USHBP1: variants seen among roughly 807,000 people sequenced by gnomAD.
USHBP1 encodes harmonin-binding protein USHBP1.
In USHBP1, 67 loss-of-function variants were observed where a neutral mutation model predicts 76.2. The observed-to-expected ratio is 0.88, with a 90% CI of 0.72 to 1.08. The LOEUF (loss-of-function observed/expected upper bound fraction) is 1.08. Ranked by LOEUF, USHBP1 falls within the 50% of genes least tolerant of loss-of-function variation. USHBP1 has a pLI of 0.00. For missense variants in USHBP1, 931 were observed against 915.0 expected, an observed-to-expected ratio of 1.02 and a Z score of -0.23; for synonymous variants, 322 against 362.2, an observed-to-expected ratio of 0.89 and a Z score of 1.26.
At chr19:17,264,428 G>A in intron 1 of USHBP1, 81 bp from the exon 2 acceptor site, 1 of 1,113,408 alleles carries the variant, frequency 9.0e-7, no homozygotes, top group Non-Finnish European at 1.3e-6. Context: ...CTGTGAAATG[G>A]GGCACTGACT....
intron 12 of USHBP1, among the ~76,000 whole-genome samples, chr19:17,250,862 CTTG>C (rs965495125): frequency 1.7e-4 from 24 of 138,302 alleles, no homozygotes; most frequent in Non-Finnish European, 2.4e-4. Flanking sequence ...CCTGTTTTTT[CTTG>C]TTGTTGTTTT....
Position 17,263,320 on chromosome 19 carries a change from G to A in USHBP1, c.204-330C>T, listed in dbSNP as rs989302769. 9.1e-5 allele frequency: 19 copies of A among 208,418 alleles called. No homozygotes were observed. The East Asian group carries it at 2.1e-3, about 23-fold the overall frequency. The allele number at this position is 208,418 out of a possible 1,614,324, so 12.9% of individuals were successfully genotyped here. On this transcript the variant is annotated intron_variant, in intron 3 of 12. Transcript: ENST00000252597. ...CCCAAAGTGCTGGGATTATAGGCAT[G>A]AGCCACCATGCTCGGCCCTGGGCAG... is the stretch of plus-strand genomic sequence containing the variant.
intron 3 of USHBP1, 134 bp downstream of exon 3, chr19:17,263,868 A>AAAAAAAG: frequency 7.7e-7 from 1 of 1,292,152 alleles, no homozygotes; most frequent in Non-Finnish European, 1.0e-6. Context: ...AAGACTCAAA[A>AAAAAAAG]AAAAAAGAAA....
chr19:17,251,442 G>C (rs2073549913), intron 12 of USHBP1, 140 bp downstream of exon 12: 3 of 1,204,690 alleles, frequency 2.5e-6, no homozygotes, highest in Non-Finnish European at 3.5e-6. Context: ...GGGATTACAG[G>C]TGTGAGCCAC....
At position 17,262,654 on chromosome 19, in the gene USHBP1, A is replaced by G. The variant is rs1244236212; in HGVS notation, c.540T>C (p.Asn180=). 6.2e-7 allele frequency: 1 copy of G among 1,613,850 alleles called. No individual in the cohort carries two copies. The highest frequency in any genetic ancestry group is 8.5e-7 in the Non-Finnish European group (1 of 1,180,022). Reference sequence around the variant, plus strand: ...TACTCAGGGCCAGCCGGAGCCAGGCATTCCTCTCGGCCAGGCGAGCTGCCT... The same window carrying G: ...TACTCAGGGCCAGCCGGAGCCAGGCGTTCCTCTCGGCCAGGCGAGCTGCCT... ...QREAARLAER[N]AWLRLALSSR... is the part of the protein sequence containing the mutation. The change falls in exon 4 of 13, where the codon AAT becomes AAC. Residue 180 remains asparagine, a synonymous_variant. Transcript: ENST00000252597.
At chr19:17,250,452 C>T (rs747133046) in intron 12 of USHBP1, 38 bp from the exon 13 acceptor site, 11 of 1,593,878 alleles carry the variant, frequency 6.9e-6, no homozygotes, top group African/African-American at 6.8e-5. Flanking sequence ...AAACAGCCCC[C>T]GAGTCCACCC....
intron 3 of USHBP1, 37 bp from the exon 4 acceptor site, chr19:17,263,027 G>A (rs764493615): frequency 4.0e-6 from 6 of 1,495,538 alleles, no homozygotes; most frequent in Non-Finnish European, 5.3e-6. Flanking sequence ...GTCACTCCAT[G>A]CTGGGCAAGG....
rs34111538 is a variant in USHBP1 at position 17,261,337 on chromosome 19, C to CTTT, written c.642+1212_642+1214dup. ...TTTCTTTTTCTTTCTTTCTTTCTTT[C>CTTT]TTTTTTTTTTTTTTTTGAGAAAGAG... On this transcript the variant is annotated intron_variant, in intron 4 of 12. Transcript: ENST00000252597. 3.6e-3 allele frequency among the ~76,000 whole-genome samples: 442 copies of CTTT among 123,896 alleles called. 1 individual carries two copies. The highest frequency in any genetic ancestry group is 9.9e-3 in the African/African-American group (307 of 30,882). The allele number at this position is 123,896 out of a possible 152,430, so 81.3% of individuals were successfully genotyped here.
At chr19:17,251,167 T>C (rs2073546076) in intron 12 of USHBP1, among the ~76,000 whole-genome samples, 1 of 124,780 alleles carries the variant, frequency 8.0e-6, no homozygotes, top group Admixed American at 7.9e-5. Context: ...GCCCAGCCTG[T>C]TGTTTTTTTT....
Position 17,250,407 on chromosome 19 carries a change from C to T in USHBP1, c.1930G>A (p.Val644Ile). 1 of 1,612,354 alleles carries T rather than the reference C, an allele frequency of 6.2e-7. No homozygotes were observed. The highest frequency in any genetic ancestry group is 8.5e-7 in the Non-Finnish European group (1 of 1,179,790). The change falls in exon 13 of 13, where the codon GTC (valine) becomes ATC (isoleucine). Residue 644 changes from valine (V) to isoleucine (I), a missense_variant. Physicochemically the swap from Val to Ile is conservative, Grantham distance 29. Coordinates refer to ENST00000252597, the MANE Select transcript of USHBP1 (RefSeq NM_031941.4). Reference sequence around the variant, plus strand: ...CGGTGGGCTCCTCGGAAGGCCAGGACCAGGGCGCTGGAAGGGGTGGGTGGC... The same window carrying T: ...CGGTGGGCTCCTCGGAAGGCCAGGATCAGGGCGCTGGAAGGGGTGGGTGGC... Reference protein sequence around the residue: ...RDLCKAHSALVLAFRGAHRKQ... With the variant: ...RDLCKAHSALILAFRGAHRKQ...
intron 11 of USHBP1, 21 bp downstream of exon 11, chr19:17,251,890 G>A (rs1166342223): frequency 2.5e-5 from 38 of 1,531,970 alleles, no homozygotes; most frequent in Non-Finnish European, 3.3e-5. Flanking sequence ...CCCCCGCACA[G>A]CCCAGGACCC....
chr19:17,260,900 C>T (rs1173063458), intron 4 of USHBP1, among the ~76,000 whole-genome samples: 2 of 152,186 alleles, frequency 1.3e-5, no homozygotes, highest in Non-Finnish European at 2.9e-5. Context: ...CTAGCCTTCA[C>T]GCTCACACGT....
intron 10 of USHBP1, among the ~76,000 whole-genome samples, chr19:17,252,467 C>T (rs2073565071): frequency 6.6e-6 from 1 of 152,074 alleles, no homozygotes; most frequent in African/African-American, 2.4e-5. Flanking sequence ...TAGCTCATGC[C>T]TGTAATCCCA....
At chr19:17,250,915 C>CA (rs779522671) in intron 12 of USHBP1, among the ~76,000 whole-genome samples, 10 of 151,632 alleles carry the variant, frequency 6.6e-5, no homozygotes, top group African/African-American at 1.2e-4. Context: ...GGCTGGAGTG[C>CA]AATGGCACAA....
At chr19:17,252,741 G>T (rs552786951) in intron 10 of USHBP1, among the ~76,000 whole-genome samples, 1 of 151,088 alleles carries the variant, frequency 6.6e-6, no homozygotes, top group South Asian at 2.1e-4. Flanking sequence ...AAAAAAATTA[G>T]CCAGGCATGG....
Position 17,251,969 on chromosome 19 carries a change from C to A in USHBP1, c.1741G>T (p.Val581Leu). ...TTCTCTGGGTCCCAGGCTCTGCCCA[C>A]CTGGCCACCATCAATGCCACTGGTG... Reference protein sequence around the residue: ...GGTSGIDGGQVGRAWDPEKLA... With the variant: ...GGTSGIDGGQLGRAWDPEKLA... Residue 581 changes from valine (V) to leucine (L), a missense_variant, in exon 11 of 13, where the codon GTG (valine) becomes TTG (leucine). Physicochemically the swap from Val to Leu is conservative, Grantham distance 32. Coordinates refer to ENST00000252597, the MANE Select transcript of USHBP1 (RefSeq NM_031941.4). 1 of 1,549,726 alleles carries A rather than the reference C, an allele frequency of 6.5e-7. No individual in the cohort carries two copies. Among genetic ancestry groups the A allele is most frequent in the East Asian group, 2.4e-5 (1 of 41,098 alleles).
intron 8 of USHBP1, among the ~76,000 whole-genome samples, chr19:17,257,729 C>T (rs1297908390): frequency 6.6e-6 from 1 of 151,924 alleles, no homozygotes; most frequent in African/African-American, 2.4e-5. Context: ...TCACTGCAGC[C>T]TCCACCTCCC....
At chr19:17,251,158 C>T (rs1352014512) in intron 12 of USHBP1, among the ~76,000 whole-genome samples, 1 of 143,636 alleles carries the variant, frequency 7.0e-6, no homozygotes, top group Non-Finnish European at 1.5e-5. Context: ...CTGCGCCTGG[C>T]CCAGCCTGTT....
intron 10 of USHBP1, among the ~76,000 whole-genome samples, chr19:17,254,771 C>T (rs1315866376): frequency 6.6e-6 from 1 of 151,970 alleles, no homozygotes; most frequent in African/African-American, 2.4e-5. Context: ...CCCACCTCAG[C>T]CACCCGAGTA....
Sources: allele counts gnomAD v4.1 joint callset (sites outside exome capture counted in the v4.1 genomes callset), GRCh38; gene constraint gnomAD v4.1.1; transcripts MANE v1.5; gene names NCBI Gene and HGNC (gene_info 2026-07-23, HGNC 2026-07-21).